The following GLI2 variants were observed in gnomAD, a reference collection of about 807,000 sequenced individuals.
GLI2 encodes the protein transcription activator GLI2.
A neutral mutation model predicts 78.9 loss-of-function variants in GLI2; 22 were observed. The ratio of observed to expected loss-of-function variants is 0.28; its 90% CI spans 0.20 to 0.40. The LOEUF (loss-of-function observed/expected upper bound fraction) is 0.40, where lower values mean the gene tolerates loss of function less well. Among genes scored for constraint, GLI2 ranks in the 10% least tolerant of loss-of-function variants. The pLI is 1.00. For synonymous variants in GLI2, 974 were observed against 963.7 expected (o/e 1.01, Z -0.20); for missense variants, 2,097 against 2,213.2 (o/e 0.95, Z 1.05).
At chr2:120,930,135 G>A (rs1057501854) in intron 3 of GLI2, among the ~76,000 whole-genome samples, 6 of 152,212 alleles carry the variant, frequency 3.9e-5, no homozygotes, top group Non-Finnish European at 7.3e-5. Flanking sequence ...CCATGCTGGA[G>A]TGCTTCTGCC....
At chr2:120,806,633 A>G (rs1450776285) in intron 2 of GLI2, among the ~76,000 whole-genome samples, 2 of 152,082 alleles carry the variant, frequency 1.3e-5, no homozygotes, top group African/African-American at 4.8e-5. Context: ...TGCCTGGCAT[A>G]TGGGGTCTGA....
chr2:120,746,779 G>A (rs1682704676), intron 1 of GLI2, among the ~76,000 whole-genome samples: 1 of 152,012 alleles, frequency 6.6e-6, no homozygotes, highest in Non-Finnish European at 1.5e-5. Context: ...GAGAAATTTG[G>A]TTAAATTTCC....
chr2:120,883,665 C>T lies in GLI2; in HGVS notation c.149-43696C>T, dbSNP rs1158608723. Among the ~76,000 whole-genome samples the T allele has an allele frequency of 2.6e-5, 4 of 152,124 alleles. No homozygotes were observed. In the East Asian group the frequency reaches 7.7e-4, roughly 29 times the overall value. On this transcript the variant is annotated intron_variant, in intron 2 of 13. Transcript: ENST00000361492. ...AATCCTGTTTAACAGATGAGGAAAC[C>T]GAGGCTCAGAGAAGTGTAATCATTC...
intron 1 of GLI2, among the ~76,000 whole-genome samples, chr2:120,780,763 AG>A (rs1472166686): frequency 1.3e-5 from 2 of 152,154 alleles, no homozygotes; most frequent in Admixed American, 6.5e-5. Flanking sequence ...GGAACTCTGG[AG>A]CTTGCCAGTC....
chr2:120,847,247 G>A (rs187741724), intron 2 of GLI2, among the ~76,000 whole-genome samples: 1 of 152,234 alleles, frequency 6.6e-6, no homozygotes, highest in East Asian at 1.9e-4. Context: ...GTCATCCTGG[G>A]ATGGGCCCAA....
chr2:120,768,797 C>A (rs1466463211), intron 1 of GLI2, among the ~76,000 whole-genome samples: 5 of 135,342 alleles, frequency 3.7e-5, no homozygotes, highest in African/African-American at 1.5e-4. Flanking sequence ...GAGGCCCCGC[C>A]CCTGTGTGTG....
chr2:120,990,854 C>G lies in GLI2; in HGVS notation c.*179C>G. ...AAGGTTTATGGGCATCCTCTCTGGT[C>G]TTTTGGATTATTCCTCAGAACAATG... On this transcript the variant is annotated 3_prime_UTR_variant, in exon 14 of 14. Transcript: ENST00000361492. The G allele has an allele frequency of 1.7e-6, 1 of 600,142 alleles. No individual in the cohort carries two copies. The highest frequency in any genetic ancestry group is 3.0e-6 in the Non-Finnish European group (1 of 338,838). 37.2% of individuals were successfully genotyped at this position (600,142 alleles called of 1,614,324 possible).
At chr2:120,907,765 C>A (rs1233122563) in intron 2 of GLI2, among the ~76,000 whole-genome samples, 2 of 152,068 alleles carry the variant, frequency 1.3e-5, no homozygotes, top group East Asian at 3.9e-4. Flanking sequence ...ATAACCCCCC[C>A]AACACACACA....
chr2:120,761,616 G>A (rs2104645670), intron 1 of GLI2, among the ~76,000 whole-genome samples: 1 of 152,308 alleles, frequency 6.6e-6, no homozygotes, highest in African/African-American at 2.4e-5. Context: ...GAAGGGTCTG[G>A]GGGGTCGGGG....
At chr2:120,874,448 C>T (rs1390891777) in intron 2 of GLI2, among the ~76,000 whole-genome samples, 1 of 152,238 alleles carries the variant, frequency 6.6e-6, no homozygotes, top group Non-Finnish European at 1.5e-5. Context: ...CCATCAGCCG[C>T]AGCCCCCGTC....
At position 120,737,821 on chromosome 2, in the gene GLI2, C is replaced by T. The variant is rs1037541700; in HGVS notation, c.-31+1536C>T. ...TTTAAACAAATATTGTATTGGCATGCTCAGGGGGCTCGGTGCCAAAAAGTA... is the reference window on the plus strand; with the variant it reads ...TTTAAACAAATATTGTATTGGCATGTTCAGGGGGCTCGGTGCCAAAAAGTA... On this transcript the variant is annotated intron_variant, in intron 1 of 13. Coordinates refer to ENST00000361492, the MANE Select transcript of GLI2 (RefSeq NM_001374353.1). The surrounding 1 kb of genome is among the most constrained non-coding windows in gnomAD (Gnocchi z 4.3). 2.0e-5 allele frequency among the ~76,000 whole-genome samples: 3 copies of T among 152,220 alleles called. No individual in the cohort carries two copies. The highest frequency in any genetic ancestry group is 2.9e-5 in the Non-Finnish European group (2 of 68,042).
chr2:120,749,647 T>C (rs182376591), intron 1 of GLI2, among the ~76,000 whole-genome samples: 1 of 152,354 alleles, frequency 6.6e-6, no homozygotes, highest in East Asian at 1.9e-4. Context: ...CTGTAAGCTA[T>C]GACAGTCAGA....
intron 2 of GLI2, among the ~76,000 whole-genome samples, chr2:120,834,743 G>A (rs1443454790): frequency 6.6e-6 from 1 of 152,158 alleles, no homozygotes; most frequent in African/African-American, 2.4e-5. Flanking sequence ...GGTTTCAGAT[G>A]CCTGTGTCCC....
chr2:120,876,983 C>CCA (rs1486635096), intron 2 of GLI2, among the ~76,000 whole-genome samples: 1 of 152,228 alleles, frequency 6.6e-6, no homozygotes, highest in Non-Finnish European at 1.5e-5. Flanking sequence ...CTGGGCTGGT[C>CCA]CACTGCTCAC....
intron 2 of GLI2, among the ~76,000 whole-genome samples, chr2:120,831,918 A>T (rs1023586617): frequency 3.3e-5 from 5 of 152,236 alleles, no homozygotes; most frequent in Non-Finnish European, 4.4e-5. Flanking sequence ...ACTTAGTCTC[A>T]GGGGCTGGAG....
rs138585073 is a variant in GLI2, at chr2:120,847,069, C to T, written c.148+49601C>T. 2.0e-3 allele frequency among the ~76,000 whole-genome samples: 308 copies of T among 151,946 alleles called. 2 individuals are homozygous for T. Among genetic ancestry groups the T allele is most frequent in the African/African-American group, 7.0e-3 (291 of 41,406 alleles). On this transcript the variant is annotated intron_variant, in intron 2 of 13. Coordinates refer to ENST00000361492, the MANE Select transcript of GLI2 (RefSeq NM_001374353.1). ...GACCGTCATGGCTTTCCTTGCTTCT[C>T]GGGGGCTCTGCGTCTGAAACAAGAG...
intron 1 of GLI2, among the ~76,000 whole-genome samples, chr2:120,771,139 C>T (rs552100662): frequency 4.9e-4 from 74 of 152,348 alleles, no homozygotes; most frequent in African/African-American, 1.7e-3. Context: ...TGCCTGTGTC[C>T]TGGCTTTGCA....
rs1447482073 is a variant in GLI2, at chr2:120,797,310, G to C, written c.-11G>C. ...TTTTAGGATTGCCACCCAGGACGATGAGCGGCTGAGATGGAGACGTCTGCC... is the reference window on the plus strand; with the variant it reads ...TTTTAGGATTGCCACCCAGGACGATCAGCGGCTGAGATGGAGACGTCTGCC... On this transcript the variant is annotated 5_prime_UTR_variant, in exon 2 of 14. The change abolishes an upstream ATG in the 5' untranslated region. Transcript: ENST00000361492. 6.2e-7 allele frequency: 1 copy of C among 1,613,870 alleles called. No individual in the cohort carries two copies.
At chr2:120,957,391 T>C (rs1328870038) in intron 5 of GLI2, among the ~76,000 whole-genome samples, 1 of 152,366 alleles carries the variant, frequency 6.6e-6, no homozygotes, top group East Asian at 1.9e-4. Flanking sequence ...TCAGCAGCCC[T>C]ACACGGTGCT....
Sources: allele counts gnomAD v4.1 joint callset (sites outside exome capture counted in the v4.1 genomes callset), GRCh38; gene constraint gnomAD v4.1.1; non-coding constraint Gnocchi (gnomAD v3.1); transcripts MANE v1.5; gene names NCBI Gene and HGNC (gene_info 2026-07-23, HGNC 2026-07-21).